SSBP2: variants seen among roughly 807,000 people sequenced by gnomAD.
SSBP2 encodes the protein single stranded DNA binding protein 2.
In SSBP2, 17 loss-of-function variants were observed where a neutral mutation model predicts 61.8. The observed-to-expected ratio is 0.28, with a 90% confidence interval of 0.19 to 0.41. The LOEUF is 0.41. Ranked by LOEUF, SSBP2 falls within the 10% of genes least tolerant of loss-of-function variation. The pLI is 1.00. For synonymous variants in SSBP2, 139 were observed against 141.3 expected, an observed-to-expected ratio of 0.98 and a Z score of 0.12; for missense variants, 310 against 458.7, an observed-to-expected ratio of 0.68 and a Z score of 2.96.
chr5:81,734,771 A>G (rs1247774493), intron 1 of SSBP2, among the ~76,000 whole-genome samples: 4 of 152,122 alleles, frequency 2.6e-5, no homozygotes, highest in African/African-American at 9.7e-5. Context: ...GGAGATCAAG[A>G]CCATCCTGGC....
At chr5:81,628,367 T>C (rs1333947656) in intron 3 of SSBP2, among the ~76,000 whole-genome samples, 1 of 152,052 alleles carries the variant, frequency 6.6e-6, no homozygotes, top group Non-Finnish European at 1.5e-5. Flanking sequence ...CCACCACACG[T>C]GGGGATTATG....
intron 1 of SSBP2, among the ~76,000 whole-genome samples, chr5:81,728,337 G>A (rs1021534575): frequency 2.0e-5 from 3 of 152,076 alleles, no homozygotes. Flanking sequence ...TACTTAAAAG[G>A]GCAGCATCTT....
At chr5:81,556,232 A>T (rs1481965347) in intron 4 of SSBP2, among the ~76,000 whole-genome samples, 1 of 152,108 alleles carries the variant, frequency 6.6e-6, no homozygotes, top group African/African-American at 2.4e-5. Flanking sequence ...TTACCCCAAC[A>T]CACAATATCA....
intron 4 of SSBP2, among the ~76,000 whole-genome samples, chr5:81,612,587 T>G (rs1745558283): frequency 6.6e-6 from 1 of 152,100 alleles, no homozygotes; most frequent in South Asian, 2.1e-4. Context: ...GTATTTCTTT[T>G]AAAAAGTAGT....
intron 1 of SSBP2, among the ~76,000 whole-genome samples, chr5:81,711,899 A>T (rs1054666647): frequency 1.3e-5 from 2 of 151,888 alleles, no homozygotes; most frequent in South Asian, 4.2e-4. Context: ...TAAAGGGAGG[A>T]AAATAAGAGT....
In SSBP2 at chr5:81,739,160, T is replaced by C. The variant is rs190108538; in HGVS notation, c.62+11821A>G. Reference sequence around the variant, plus strand: ...AGCCTGGTGACAGAGTGAGACTCCATCTCCAAAAAAAAAAAAAAAAAAAAA... The same window carrying C: ...AGCCTGGTGACAGAGTGAGACTCCACCTCCAAAAAAAAAAAAAAAAAAAAA... On this transcript the variant is annotated intron_variant, in intron 1 of 16. Transcript: ENST00000320672. Among the ~76,000 whole-genome samples, 132 of 65,158 alleles carry C rather than the reference T, an allele frequency of 2.0e-3. 1 individual carries two copies. In the East Asian group the frequency reaches 0.053, roughly 26 times the overall value. 42.7% of individuals were successfully genotyped at this position (65,158 alleles called of 152,430 possible).
Position 81,412,827 on chromosome 5 carries a change from A to G in SSBP2, c.*7677T>C, listed in dbSNP as rs1306975371. Among the ~76,000 whole-genome samples the G allele has an allele frequency of 6.6e-6, 1 of 152,144 alleles. No homozygotes were observed. The highest frequency in any genetic ancestry group is 1.5e-5 in the Non-Finnish European group (1 of 68,018). Reference sequence around the variant, plus strand: ...TATTTGCAGTAAAATACCAAAGTTTAATTCATTAACATATCTATTTGCTAA... The same window carrying G: ...TATTTGCAGTAAAATACCAAAGTTTGATTCATTAACATATCTATTTGCTAA... On this transcript the variant is annotated 3_prime_UTR_variant, in exon 17 of 17. Coordinates refer to ENST00000320672, the MANE Select transcript of SSBP2 (RefSeq NM_012446.5).
intron 1 of SSBP2, among the ~76,000 whole-genome samples, chr5:81,712,862 T>C (rs574858478): frequency 2.0e-5 from 3 of 151,860 alleles, no homozygotes; most frequent in East Asian, 3.9e-4. Context: ...CCTCTGGGAC[T>C]ACAGGTATGC....
intron 4 of SSBP2, among the ~76,000 whole-genome samples, chr5:81,588,017 T>C (rs758871400): frequency 6.6e-6 from 1 of 152,076 alleles, no homozygotes; most frequent in Non-Finnish European, 1.5e-5. Flanking sequence ...CAGGCTGGAG[T>C]GCAGTGGCAC....
intron 1 of SSBP2, among the ~76,000 whole-genome samples, chr5:81,653,278 C>G (rs1749913733): frequency 6.6e-6 from 1 of 152,160 alleles, no homozygotes; most frequent in South Asian, 2.1e-4. Flanking sequence ...GACATGAACT[C>G]ATCCATTTTT....
chr5:81,633,205 T>A (rs1747898698), intron 3 of SSBP2, among the ~76,000 whole-genome samples: 1 of 139,744 alleles, frequency 7.2e-6, no homozygotes. Flanking sequence ...AACCTCCGTC[T>A]CCCAGGTTCA....
At chr5:81,682,458 T>C (rs1397525027) in intron 1 of SSBP2, among the ~76,000 whole-genome samples, 1 of 152,168 alleles carries the variant, frequency 6.6e-6, no homozygotes, top group African/African-American at 2.4e-5. Flanking sequence ...ACATGTAGCA[T>C]TTGATAAAAT....
chr5:81,649,940 G>C (rs753303344), intron 2 of SSBP2, among the ~76,000 whole-genome samples: 3 of 152,048 alleles, frequency 2.0e-5, no homozygotes, highest in Non-Finnish European at 2.9e-5. Context: ...TCGAGTGAGA[G>C]ATATGGTTGA....
chr5:81,467,272 C>T (rs745839761), intron 8 of SSBP2, among the ~76,000 whole-genome samples: 6 of 151,802 alleles, frequency 4.0e-5, no homozygotes, highest in Non-Finnish European at 5.9e-5. Context: ...CACTGGAGCA[C>T]GTTAAATGAT....
At chr5:81,615,379 A>G in intron 4 of SSBP2, 94 bp downstream of exon 4, 1 of 941,138 alleles carries the variant, frequency 1.1e-6, no homozygotes, top group Admixed American at 2.0e-5. Context: ...TTAAGTACCA[A>G]AACAAAAGAA....
At chr5:81,530,138 T>C (rs1406253779) in intron 4 of SSBP2, among the ~76,000 whole-genome samples, 1 of 152,060 alleles carries the variant, frequency 6.6e-6, no homozygotes, top group Non-Finnish European at 1.5e-5. Context: ...AAGGATCCTG[T>C]GTGACACTGG....
rs183951500 is a variant in SSBP2, at chr5:81,680,480, T to A, written c.63-30141A>T. Among the ~76,000 whole-genome samples the A allele has an allele frequency of 2.6e-4, 40 of 151,622 alleles. 1 individual carries two copies. Among genetic ancestry groups the A allele is most frequent in the Admixed American group, 2.5e-3 (38 of 15,202 alleles). ...AATTAAAAGAGATTGTCAGAGTGGA[T>A]CAAAAAAATAAGACTCAGCTGTATG... On this transcript the variant is annotated intron_variant, in intron 1 of 16. Coordinates refer to ENST00000320672, the MANE Select transcript of SSBP2 (RefSeq NM_012446.5).
At chr5:81,607,736 C>G (rs1219117171) in intron 4 of SSBP2, among the ~76,000 whole-genome samples, 1 of 152,130 alleles carries the variant, frequency 6.6e-6, no homozygotes, top group African/African-American at 2.4e-5. Context: ...TTGTGCCCTA[C>G]AAAAATCATT....
At chr5:81,580,079 T>C (rs970838331) in intron 4 of SSBP2, among the ~76,000 whole-genome samples, 9 of 152,088 alleles carry the variant, frequency 5.9e-5, no homozygotes, top group Non-Finnish European at 1.5e-5. Context: ...AAAACAAAAA[T>C]TACCATCTCC....
Sources: allele counts gnomAD v4.1 joint callset (sites outside exome capture counted in the v4.1 genomes callset), GRCh38; gene constraint gnomAD v4.1.1; transcripts MANE v1.5; gene names NCBI Gene and HGNC (gene_info 2026-07-23, HGNC 2026-07-21).